The following MPPE1 variants were observed in gnomAD, a reference collection of about 807,000 sequenced individuals.
MPPE1 encodes metallophosphoesterase 1.
In MPPE1, 28 loss-of-function variants were observed where a neutral mutation model predicts 43.8. That is an observed-to-expected ratio of 0.64 (90% CI 0.47 to 0.88). MPPE1 has a LOEUF of 0.88. Ranked by LOEUF, MPPE1 falls within the 40% of genes least tolerant of loss-of-function variation. The pLI is 0.00. For synonymous variants in MPPE1, 159 were observed against 188.5 expected (o/e 0.84, Z 1.28); for missense variants, 428 against 492.2 (o/e 0.87, Z 1.23).
At chr18:11,898,156 C>T (rs903428020) in intron 2 of MPPE1, among the ~76,000 whole-genome samples, 4 of 152,196 alleles carry the variant, frequency 2.6e-5, no homozygotes, top group Admixed American at 6.5e-5. Flanking sequence ...GCAACCTCCG[C>T]CTCCTGGGTT....
chr18:11,903,504 T>TTAC (rs2039395426), intron 2 of MPPE1, among the ~76,000 whole-genome samples: 1 of 152,074 alleles, frequency 6.6e-6, no homozygotes, highest in African/African-American at 2.4e-5. Flanking sequence ...AGTCCTAGGA[T>TTAC]TACGGTTAAA....
chr18:11,885,738 C>G lies in MPPE1; in HGVS notation c.946G>C (p.Val316Leu), dbSNP rs749188944. 4 of 1,613,946 alleles carry G rather than the reference C, an allele frequency of 2.5e-6. No homozygotes were observed. The highest frequency in any genetic ancestry group is 3.4e-6 in the Non-Finnish European group (4 of 1,179,938). ...AAAGATGGGACGCTGAGCTCGGGGA[C>G]TCGGCCCCCGTGGTGCACCTCGCAG... ...SACEVHHGGR[V>L]PELSVPSFSW... is the part of the protein sequence containing the mutation. The change falls in exon 10 of 11, where the codon GTC (valine) becomes CTC (leucine). Residue 316 changes from valine (V) to leucine (L), a missense_variant. Around this residue, in one of 3 missense-constraint regions of MPPE1, gnomAD observed 379 missense variants for 402.5 expected, o/e 0.94. Coordinates refer to ENST00000588072, the MANE Select transcript of MPPE1 (RefSeq NM_023075.6).
intron 5 of MPPE1, 152 bp downstream of exon 5, chr18:11,889,235 C>A: frequency 1.9e-6 from 1 of 531,862 alleles, no homozygotes. Flanking sequence ...CAAGTAAAAA[C>A]CCCTTAAAGA....
rs774173128 is a variant in MPPE1 at position 11,893,564 on chromosome 18, C to T, written c.294G>A (p.Met98Ile). The T allele has an allele frequency of 3.7e-6, 6 of 1,613,932 alleles. No individual in the cohort carries two copies. The highest frequency in any genetic ancestry group is 1.6e-4 in the Middle Eastern group (1 of 6,084). ...WLDKLRREWQ[M>I]ERAFQTALWL... Reference sequence around the variant, plus strand: ...ACAGAGCTGTCTGGAACGCTCTCTCCATCTGCCATTCCCTTGATGCCAATA... The same window carrying T: ...ACAGAGCTGTCTGGAACGCTCTCTCTATCTGCCATTCCCTTGATGCCAATA... The change falls in exon 4 of 11, where the codon ATG becomes ATA. Residue 98 changes from methionine (M) to isoleucine (I), a missense_variant. Physicochemically the swap from Met to Ile is conservative, Grantham distance 10. Around this residue, in one of 3 missense-constraint regions of MPPE1, gnomAD observed 379 missense variants for 402.5 expected, o/e 0.94. Coordinates refer to ENST00000588072, the MANE Select transcript of MPPE1 (RefSeq NM_023075.6).
chr18:11,884,899 CT>C, intron 10 of MPPE1: 1 of 1,305,514 alleles, frequency 7.7e-7, no homozygotes, highest in Non-Finnish European at 9.8e-7. Flanking sequence ...TGGCCCCTGG[CT>C]CACTGGGTTC....
rs1464328514 is a variant in MPPE1 at position 11,884,112 on chromosome 18, G to A, written c.*333C>T. ...CACATAATCCCAAGTGTGTGCTGGG[G>A]CCACCAGGCCCTTCCTGGGGGAACA... is the stretch of plus-strand genomic sequence containing the variant. On this transcript the variant is annotated 3_prime_UTR_variant, in exon 11 of 11. Transcript: ENST00000588072. 1 of 242,808 alleles carries A rather than the reference G, an allele frequency of 4.1e-6. No homozygotes were observed. Among genetic ancestry groups the A allele is most frequent in the Non-Finnish European group, 8.2e-6 (1 of 122,610 alleles). 15.0% of individuals were successfully genotyped at this position (242,808 alleles called of 1,614,324 possible). A position where few individuals can be genotyped will look rare whatever the true frequency, so the allele number is the denominator to read the frequency against.
intron 6 of MPPE1, 25 bp downstream of exon 6, chr18:11,888,644 G>C (rs2037613263): frequency 6.8e-7 from 1 of 1,479,320 alleles, no homozygotes; most frequent in Non-Finnish European, 9.3e-7. Flanking sequence ...TAAAGGTCTT[G>C]GAAGAATTTA....
chr18:11,895,772 C>T (rs2144518813), intron 3 of MPPE1, among the ~76,000 whole-genome samples: 1 of 152,190 alleles, frequency 6.6e-6, no homozygotes, highest in East Asian at 1.9e-4. Flanking sequence ...GCCACGTTGC[C>T]CAGGCTGGTC....
intron 5 of MPPE1, 71 bp downstream of exon 5, chr18:11,889,316 T>G: frequency 1.0e-6 from 1 of 998,932 alleles, no homozygotes; most frequent in Admixed American, 2.5e-5. Flanking sequence ...GGCTTTCACC[T>G]GAATTCCAAC....
intron 1 of MPPE1, among the ~76,000 whole-genome samples, chr18:11,906,873 T>G (rs1056836877): frequency 7.2e-6 from 1 of 138,982 alleles, no homozygotes; most frequent in Non-Finnish European, 1.5e-5. Context: ...AAAAAAAAAA[T>G]TTATCTTTGA....
At position 11,884,216 on chromosome 18, in the gene MPPE1, T is replaced by TTGA; in HGVS notation, c.*226_*228dup. On this transcript the variant is annotated 3_prime_UTR_variant, in exon 11 of 11. Transcript: ENST00000588072. ...ATGCAACCTTTGATGATACATATATTTGATAAAAATGAGAAAACAGATTTG... is the reference window on the plus strand; with the variant it reads ...ATGCAACCTTTGATGATACATATATTTGATGATAAAAATGAGAAAACAGATTTG... 1 of 514,750 alleles carries TTGA rather than the reference T, an allele frequency of 1.9e-6. No homozygotes were observed. The highest frequency in any genetic ancestry group is 3.2e-5 in the Admixed American group (1 of 30,968). 31.9% of individuals were successfully genotyped at this position (514,750 alleles called of 1,614,324 possible).
At chr18:11,888,588 G>C (rs1225192150) in intron 6 of MPPE1, 81 bp downstream of exon 6, 4 of 806,844 alleles carry the variant, frequency 5.0e-6, no homozygotes, top group Non-Finnish European at 8.1e-6. Context: ...GTAGATGATA[G>C]ATCCCAGTAT....
At chr18:11,906,810 C>T (rs2039762100) in intron 1 of MPPE1, among the ~76,000 whole-genome samples, 3 of 149,258 alleles carry the variant, frequency 2.0e-5, no homozygotes, top group Non-Finnish European at 2.9e-5. Flanking sequence ...GCCGAGATCG[C>T]GCCATTGCAC....
At position 11,894,081 on chromosome 18, in the gene MPPE1, C is replaced by T. The variant is rs988644498; in HGVS notation, c.282-505G>A. 3.9e-5 allele frequency among the ~76,000 whole-genome samples: 6 copies of T among 152,232 alleles called. 1 individual carries two copies. The highest frequency in any genetic ancestry group is 1.3e-4 in the Admixed American group (2 of 15,274). ...AGGAACCAATATCAAAACAGGAAATCCTGGAGATTTCAGACATGCGAGTAA... is the reference window on the plus strand; with the variant it reads ...AGGAACCAATATCAAAACAGGAAATTCTGGAGATTTCAGACATGCGAGTAA... On this transcript the variant is annotated intron_variant, in intron 3 of 10. Transcript: ENST00000588072.
In MPPE1 at chr18:11,886,250, G is replaced by GA; in HGVS notation, c.867+248dup. The stretch of plus-strand genomic sequence containing the variant: ...GTTGGTGAAAAACTCTGAATACAAA[G>GA]AATAGCTGAGACTATTACTGACTTG... On this transcript the variant is annotated intron_variant, in intron 9 of 10. Transcript: ENST00000588072. This position sits in a 1 kb window ranked among gnomAD's most constrained non-coding sequence, Gnocchi z 4.1. The GA allele has an allele frequency of 5.8e-6, 3 of 513,846 alleles. 1 individual carries two copies. Among genetic ancestry groups the GA allele is most frequent in the South Asian group, 4.6e-5 (2 of 43,472 alleles). The allele number at this position is 513,846 out of a possible 1,614,324, so 31.8% of individuals were successfully genotyped here.
At chr18:11,895,531 T>C (rs1304432667) in intron 3 of MPPE1, among the ~76,000 whole-genome samples, 1 of 141,942 alleles carries the variant, frequency 7.0e-6, no homozygotes, top group Non-Finnish European at 1.5e-5. Context: ...CCGTTTTTCT[T>C]ATTTTATTTT....
At chr18:11,907,579 C>T (rs187530836) in intron 1 of MPPE1, among the ~76,000 whole-genome samples, 1 of 151,960 alleles carries the variant, frequency 6.6e-6, no homozygotes, top group East Asian at 1.9e-4. Context: ...CAGCCCCAAA[C>T]TCCTGCGCTG....
At chr18:11,906,798 G>C (rs1031569655) in intron 1 of MPPE1, among the ~76,000 whole-genome samples, 50 of 149,286 alleles carry the variant, frequency 3.3e-4, no homozygotes, top group Admixed American at 1.4e-3. Flanking sequence ...AGGTTGTAGT[G>C]AGCCGAGATC....
chr18:11,904,936 C>A (rs1006053176), intron 2 of MPPE1, among the ~76,000 whole-genome samples: 1 of 150,602 alleles, frequency 6.6e-6, no homozygotes, highest in African/African-American at 2.4e-5. Context: ...GAGCGAGACT[C>A]CATCTCAAAA....
Sources: allele counts gnomAD v4.1 joint callset (sites outside exome capture counted in the v4.1 genomes callset), GRCh38; gene constraint gnomAD v4.1.1; regional missense constraint gnomAD v4.1.1; non-coding constraint Gnocchi (gnomAD v3.1); transcripts MANE v1.5; gene names NCBI Gene and HGNC (gene_info 2026-07-23, HGNC 2026-07-21).